The following SOX6 variants were observed in gnomAD, a reference collection of about 807,000 sequenced individuals.
SOX6 encodes SRY-box transcription factor 6.
Under a neutral mutation model 97.8 loss-of-function variants are expected in SOX6, and 11 were observed. That is an observed-to-expected ratio of 0.11 (90% confidence interval 0.07 to 0.19). The LOEUF is 0.19. Among genes scored for constraint, SOX6 ranks in the 10% least tolerant of loss-of-function variants. The pLI is 1.00. For missense variants in SOX6, 810 were observed against 1,039.5 expected (o/e 0.78, Z 3.04); for synonymous variants, 360 against 371.4 (o/e 0.97, Z 0.35).
intron 3 of SOX6, among the ~76,000 whole-genome samples, chr11:16,646,907 T>A (rs1049131795): frequency 2.0e-5 from 3 of 152,224 alleles, no homozygotes; most frequent in African/African-American, 7.2e-5. Flanking sequence ...TACCCAGTAG[T>A]GGGATTGCTG....
At chr11:16,503,366 GAGAA>G (rs1860737961) in intron 4 of SOX6, among the ~76,000 whole-genome samples, 1 of 151,700 alleles carries the variant, frequency 6.6e-6, no homozygotes, top group Non-Finnish European at 1.5e-5. Context: ...TTAAATAAGA[GAGAA>G]AGAAAGGAAC....
chr11:16,284,343 T>C (rs993582704), intron 3 of SOX6, among the ~76,000 whole-genome samples: 1 of 152,184 alleles, frequency 6.6e-6, no homozygotes, highest in East Asian at 1.9e-4. Context: ...AAAATATCTG[T>C]TGAAAGAGTG....
At chr11:16,001,405 G>A (rs566923033) in intron 13 of SOX6, among the ~76,000 whole-genome samples, 1 of 152,280 alleles carries the variant, frequency 6.6e-6, no homozygotes, top group South Asian at 2.1e-4. Context: ...GATGAGGAAA[G>A]CAAGACTCAG....
intron 4 of SOX6, among the ~76,000 whole-genome samples, chr11:16,509,264 A>C (rs1217801949): frequency 6.6e-6 from 1 of 151,958 alleles, no homozygotes; most frequent in Non-Finnish European, 1.5e-5. Flanking sequence ...GTCCTCACAG[A>C]TCTTGACACA....
chr11:16,263,597 G>A (rs1337353645), intron 3 of SOX6, among the ~76,000 whole-genome samples: 1 of 151,870 alleles, frequency 6.6e-6, no homozygotes, highest in Non-Finnish European at 1.5e-5. Context: ...TGGGCATTTG[G>A]CACTTCCAGT....
At position 16,096,084 on chromosome 11, in the gene SOX6, C is replaced by T. The variant is rs1410659405; in HGVS notation, c.1013G>A (p.Arg338Lys). Residue 338 changes from arginine (R) to lysine (K), a missense_variant, in exon 9 of 16, where the codon AGG becomes AAG. Around this residue, in one of 9 missense-constraint regions of SOX6, gnomAD observed 244 missense variants for 261.0 expected, o/e 0.93. Transcript: ENST00000683767. ...GHVSHPQINQ[R>K]LKGLSDRFGR... ...AAAACGGTCACTTAGGCCCTTTAGC[C>T]TTTGGTTAATTTGTGGGTGGGAGAC... The T allele has an allele frequency of 6.2e-7, 1 of 1,610,222 alleles. No homozygotes were observed. The highest frequency in any genetic ancestry group is 8.5e-7 in the Non-Finnish European group (1 of 1,178,110).
chr11:16,718,932 G>C (rs955890314), intron 2 of SOX6, among the ~76,000 whole-genome samples: 1 of 144,546 alleles, frequency 6.9e-6, no homozygotes, highest in African/African-American at 2.6e-5. Context: ...AGGAGTTGGA[G>C]ACCAGCCTGG....
At chr11:16,641,479 T>C (rs971557046) in intron 3 of SOX6, among the ~76,000 whole-genome samples, 8 of 152,152 alleles carry the variant, frequency 5.3e-5, no homozygotes, top group African/African-American at 1.9e-4. Flanking sequence ...TTCTGTCTCA[T>C]TGATCTGTCT....
At chr11:16,604,545 C>T (rs114619204) in intron 4 of SOX6, among the ~76,000 whole-genome samples, 1,678 of 152,282 alleles carry the variant, frequency 0.011, 24 homozygotes, top group African/African-American at 0.038. Flanking sequence ...GCGCCCGGGA[C>T]GCGGACGTCA....
intron 3 of SOX6, among the ~76,000 whole-genome samples, chr11:16,268,999 C>T (rs1214620192): frequency 6.6e-6 from 1 of 150,394 alleles, no homozygotes; most frequent in Non-Finnish European, 1.5e-5. Flanking sequence ...GCCTTTCATT[C>T]AAGAGAAATT....
intron 3 of SOX6, among the ~76,000 whole-genome samples, chr11:16,302,457 G>C (rs1471997984): frequency 6.6e-6 from 1 of 150,800 alleles, no homozygotes; most frequent in African/African-American, 2.4e-5. Flanking sequence ...TGTTCACTAT[G>C]ATGAGCTTAT....
At chr11:16,143,916 C>A (rs1292984253) in intron 6 of SOX6, among the ~76,000 whole-genome samples, 20 of 152,124 alleles carry the variant, frequency 1.3e-4, no homozygotes, top group Admixed American at 1.3e-3. Context: ...AACTTTAACA[C>A]CCCACTGTCA....
At chr11:16,518,110 C>A (rs1372118225) in intron 4 of SOX6, among the ~76,000 whole-genome samples, 1 of 152,190 alleles carries the variant, frequency 6.6e-6, no homozygotes, top group Admixed American at 6.6e-5. Flanking sequence ...CAGTCCTACA[C>A]ATAAAGCCTG....
chr11:16,411,820 A>G (rs1377120976), intron 1 of SOX6, among the ~76,000 whole-genome samples: 1 of 152,218 alleles, frequency 6.6e-6, no homozygotes, highest in African/African-American at 2.4e-5. Flanking sequence ...TTTGTACTAC[A>G]ATATTCATTT....
At chr11:16,234,293 C>T (rs1476077554) in intron 4 of SOX6, among the ~76,000 whole-genome samples, 1 of 152,044 alleles carries the variant, frequency 6.6e-6, no homozygotes, top group Non-Finnish European at 1.5e-5. Flanking sequence ...GCTTAATTTG[C>T]TCATCTTTTA....
chr11:16,351,607 T>C (rs1170685828), intron 1 of SOX6, among the ~76,000 whole-genome samples: 1 of 152,076 alleles, frequency 6.6e-6, no homozygotes, highest in African/African-American at 2.4e-5. Context: ...AACCAATCTT[T>C]ATACATTTAT....
At chr11:16,604,382 A>G (rs1848307800) in intron 4 of SOX6, among the ~76,000 whole-genome samples, 1 of 152,204 alleles carries the variant, frequency 6.6e-6, no homozygotes, top group African/African-American at 2.4e-5. Flanking sequence ...GACCCGGGGA[A>G]AAACCTGGAC....
chr11:16,578,017 C>T (rs1847998580), intron 4 of SOX6, among the ~76,000 whole-genome samples: 1 of 152,012 alleles, frequency 6.6e-6, no homozygotes, highest in Non-Finnish European at 1.5e-5. Flanking sequence ...AAAATGTATT[C>T]CTATGTTTTC....
intron 4 of SOX6, among the ~76,000 whole-genome samples, chr11:16,493,401 A>G (rs920658504): frequency 6.6e-6 from 1 of 152,238 alleles, no homozygotes; most frequent in African/African-American, 2.4e-5. Flanking sequence ...TTGTATAAGC[A>G]TGCATGCTCT....
Sources: gnomAD v4.1 joint callset for allele counts (sites outside exome capture counted in the v4.1 genomes callset) on GRCh38, gnomAD v4.1.1 for gene constraint, gnomAD v4.1.1 regional missense constraint, MANE v1.5 for transcripts, NCBI Gene and HGNC (gene_info 2026-07-23, HGNC 2026-07-21) for gene names.